TGFB2: variants seen among roughly 807,000 people sequenced by gnomAD.
The protein encoded by TGFB2 is transforming growth factor beta 2.
Under a neutral mutation model 42.7 loss-of-function variants are expected in TGFB2, and 13 were observed. That is an observed-to-expected ratio of 0.30 (90% confidence interval 0.20 to 0.48). The LOEUF is 0.48. TGFB2 is among the 20% of genes least tolerant of loss of function. TGFB2 has a pLI of 0.99. For synonymous variants in TGFB2, 193 were observed against 193.6 expected, an observed-to-expected ratio of 1.00 and a Z score of 0.03; for missense variants, 390 against 517.5, an observed-to-expected ratio of 0.75 and a Z score of 2.39.
At chr1:218,439,180 A>G (rs1233757385) in intron 6 of TGFB2, among the ~76,000 whole-genome samples, 1 of 151,820 alleles carries the variant, frequency 6.6e-6, no homozygotes, top group Non-Finnish European at 1.5e-5. Context: ...CCAAACAGAA[A>G]ATTAGTGACA....
intron 1 of TGFB2, among the ~76,000 whole-genome samples, chr1:218,363,174 C>G (rs545819880): frequency 7.2e-5 from 11 of 152,214 alleles, no homozygotes; most frequent in Admixed American, 3.3e-4. Flanking sequence ...CTTAGATCCT[C>G]AGTGTCTAAT....
intron 1 of TGFB2, among the ~76,000 whole-genome samples, chr1:218,351,301 T>C (rs1344725098): frequency 6.6e-6 from 1 of 152,186 alleles, no homozygotes; most frequent in East Asian, 1.9e-4. Context: ...TGTGTGTGTT[T>C]GCATGTGGGT....
chr1:218,425,941 AT>A (rs938926199), intron 2 of TGFB2, among the ~76,000 whole-genome samples: 4 of 152,262 alleles, frequency 2.6e-5, no homozygotes, highest in African/African-American at 9.6e-5. Context: ...TTGATTCATC[AT>A]TTGTTCATCA....
At chr1:218,401,658 G>A (rs1658724076) in intron 1 of TGFB2, among the ~76,000 whole-genome samples, 1 of 152,212 alleles carries the variant, frequency 6.6e-6, no homozygotes, top group Non-Finnish European at 1.5e-5. Context: ...GAACTGGGAT[G>A]CGCATTACAG....
Position 218,441,281 on chromosome 1 carries a change from A to G in TGFB2, c.1164A>G (p.Leu388=). The part of the protein sequence containing the change: ...PCCVSQDLEP[L]TILYYIGKTP... ...GCGTGTCCCAAGATTTAGAACCTCT[A>G]ACCATTCTCTACTACATTGGCAAAA... Residue 388 remains leucine, a synonymous_variant, in exon 7 of 7, where the codon CTA becomes CTG. Transcript: ENST00000366930. 1 of 1,613,920 alleles carries G rather than the reference A, an allele frequency of 6.2e-7. No individual in the cohort carries two copies.
chr1:218,354,076 G>A (rs749017535), intron 1 of TGFB2, among the ~76,000 whole-genome samples: 3 of 152,094 alleles, frequency 2.0e-5, no homozygotes, highest in Non-Finnish European at 1.5e-5. Context: ...GTTCTGGGCT[G>A]TCTTCTTCAT....
At chr1:218,415,953 T>C (rs1028018420) in intron 2 of TGFB2, among the ~76,000 whole-genome samples, 18 of 152,202 alleles carry the variant, frequency 1.2e-4, no homozygotes, top group Admixed American at 1.2e-3. Context: ...TCCCCTAAGG[T>C]TGGCTTGTGA....
chr1:218,399,671 G>C (rs2102588725), intron 1 of TGFB2, among the ~76,000 whole-genome samples: 1 of 152,242 alleles, frequency 6.6e-6, no homozygotes, highest in African/African-American at 2.4e-5. Flanking sequence ...TTGGGGACTG[G>C]AATTGCTCCC....
At position 218,444,020 on chromosome 1, in the gene TGFB2, T is replaced by C. The variant is rs1660242273; in HGVS notation, c.*2658T>C. On this transcript the variant is annotated 3_prime_UTR_variant, in exon 7 of 7. Coordinates refer to ENST00000366930, the MANE Select transcript of TGFB2 (RefSeq NM_003238.6). ...TATGTGGATGTCTTTTTCCTATCAGTACCATCATCGAGTCTAGAAAACACC... is the reference window on the plus strand; with the variant it reads ...TATGTGGATGTCTTTTTCCTATCAGCACCATCATCGAGTCTAGAAAACACC... 6.6e-6 allele frequency: 1 copy of C among 152,158 alleles called. No individual in the cohort carries two copies. The highest frequency in any genetic ancestry group is 6.5e-5 in the Admixed American group (1 of 15,274). The allele number at this position is 152,158 out of a possible 1,614,324, so 9.4% of individuals were successfully genotyped here.
At chr1:218,426,056 A>G (rs1659612741) in intron 2 of TGFB2, among the ~76,000 whole-genome samples, 1 of 152,238 alleles carries the variant, frequency 6.6e-6, no homozygotes, top group South Asian at 2.1e-4. Context: ...CGTTAAAAAC[A>G]TTAAATGCAT....
At chr1:218,376,616 A>T (rs1657749750) in intron 1 of TGFB2, among the ~76,000 whole-genome samples, 1 of 152,146 alleles carries the variant, frequency 6.6e-6, no homozygotes, top group Admixed American at 6.5e-5. Context: ...TCCCTCTTTA[A>T]GCCTCAGTTT....
intron 1 of TGFB2, among the ~76,000 whole-genome samples, chr1:218,391,206 C>T (rs1329212199): frequency 6.6e-6 from 1 of 152,078 alleles, no homozygotes; most frequent in Admixed American, 6.6e-5. Flanking sequence ...GAGTTCTGTC[C>T]CACTGGCCAT....
At chr1:218,410,059 AAAATGAGAGTTGCCTCGGCAC>A (rs1659046002) in intron 2 of TGFB2, among the ~76,000 whole-genome samples, 1 of 152,248 alleles carries the variant, frequency 6.6e-6, no homozygotes, top group South Asian at 2.1e-4. Context: ...CCTGGAAAGG[AAAATGAGAGTTGCCTCGGCAC>A]AGATGTTGGT....
intron 6 of TGFB2, among the ~76,000 whole-genome samples, chr1:218,438,832 G>A (rs559847583): frequency 5.9e-5 from 9 of 152,184 alleles, no homozygotes; most frequent in Non-Finnish European, 1.3e-4. Context: ...TTGGGGACCG[G>A]GCGCAGTGAC....
At chr1:218,436,170 C>G in intron 5 of TGFB2, 23 bp downstream of exon 5, 1 of 1,602,540 alleles carries the variant, frequency 6.2e-7, no homozygotes, top group Non-Finnish European at 8.5e-7. Flanking sequence ...AAAGTAAAAC[C>G]AAGTAATTGC....
chr1:218,413,232 G>A (rs1280435981), intron 2 of TGFB2, among the ~76,000 whole-genome samples: 1 of 152,176 alleles, frequency 6.6e-6, no homozygotes, highest in East Asian at 1.9e-4. Context: ...AATTAGCTGG[G>A]CGCGGTGGCA....
At chr1:218,375,978 A>G (rs931411295) in intron 1 of TGFB2, among the ~76,000 whole-genome samples, 7 of 152,240 alleles carry the variant, frequency 4.6e-5, no homozygotes. Flanking sequence ...AATGTATAGA[A>G]TCAAAGGGAG....
At chr1:218,358,551 T>C (rs2102540655) in intron 1 of TGFB2, among the ~76,000 whole-genome samples, 1 of 149,224 alleles carries the variant, frequency 6.7e-6, no homozygotes, top group South Asian at 2.1e-4. Context: ...GTGAACTCTT[T>C]TTTTTTTTTT....
intron 1 of TGFB2, among the ~76,000 whole-genome samples, chr1:218,348,386 T>C (rs1656763905): frequency 2.0e-5 from 3 of 152,216 alleles, no homozygotes; most frequent in African/African-American, 7.2e-5. Context: ...TTTTTTAATA[T>C]TTATTTTTAG....
Sources: allele counts gnomAD v4.1 joint callset (sites outside exome capture counted in the v4.1 genomes callset), GRCh38; gene constraint gnomAD v4.1.1; transcripts MANE v1.5; gene names NCBI Gene and HGNC (gene_info 2026-07-23, HGNC 2026-07-21).